Variants in DNAH11 observed in about 807,000 individuals in gnomAD.
DNAH11 encodes the protein dynein axonemal heavy chain 11, also known as axonemal beta dynein heavy chain 11.
Under a neutral mutation model 526.0 loss-of-function variants are expected in DNAH11, and 442 were observed. The observed-to-expected ratio is 0.84, with a 90% CI of 0.78 to 0.91. The LOEUF (loss-of-function observed/expected upper bound fraction) is 0.91, where lower values mean the gene tolerates loss of function less well. Ranked by LOEUF, DNAH11 falls within the 40% of genes least tolerant of loss-of-function variation. The pLI, the probability that DNAH11 is intolerant of heterozygous loss-of-function variation, is 0.00. For missense variants in DNAH11, 6,989 were observed against 5,448.7 expected, an observed-to-expected ratio of 1.28 and a Z score of -8.90; for synonymous variants, 2,461 against 1,935.9, an observed-to-expected ratio of 1.27 and a Z score of -7.12.
intron 28 of DNAH11, among the ~76,000 whole-genome samples, chr7:21,655,439 AT>A (rs780376099): frequency 8.5e-5 from 13 of 152,176 alleles, no homozygotes; most frequent in Non-Finnish European, 1.8e-4. Context: ...CATTTCAGAC[AT>A]TTTAATAGCT....
At chr7:21,878,075 A>G (rs939512684) in intron 74 of DNAH11, among the ~76,000 whole-genome samples, 1 of 152,188 alleles carries the variant, frequency 6.6e-6, no homozygotes, top group Non-Finnish European at 1.5e-5. Context: ...TAGCACTACT[A>G]TGGGTATGCA....
chr7:21,724,803 GCA>G (rs1583630179), intron 44 of DNAH11, among the ~76,000 whole-genome samples: 6,908 of 122,142 alleles, frequency 0.057, 1 homozygote, highest in South Asian at 0.073. Context: ...TCCTGTGGAT[GCA>G]TAGAGGTATC....
In DNAH11 at chr7:21,635,988, C is replaced by T. The variant is rs1786845867; in HGVS notation, c.4618C>T (p.Gln1540Ter). The change falls in exon 26 of 82, where the codon CAG becomes TAG. Residue 1540 changes from glutamine to a stop codon, truncating the protein, a stop_gained. Coordinates refer to ENST00000409508, the MANE Select transcript of DNAH11 (RefSeq NM_001277115.2). LOFTEE classifies it high-confidence loss of function. Reference sequence around the variant, plus strand: ...GGTCATCTTCACTTGGATGGAAGTCCAGCGAACTTGGTCTCACCTGGAAAG... The same window carrying T: ...GGTCATCTTCACTTGGATGGAAGTCTAGCGAACTTGGTCTCACCTGGAAAG... ...DLVIFTWMEVQRTWSHLESIF... is the reference protein window; with the variant it reads ...DLVIFTWMEV 6.2e-7 allele frequency: 1 copy of T among 1,613,650 alleles called. No individual in the cohort carries two copies.
chr7:21,876,293 T>C (rs1783709257), intron 74 of DNAH11, among the ~76,000 whole-genome samples: 1 of 152,198 alleles, frequency 6.6e-6, no homozygotes, highest in Non-Finnish European at 1.5e-5. Context: ...TAAATAATCT[T>C]CTCATCAAAC....
At chr7:21,838,036 C>A (rs966430416) in intron 65 of DNAH11, among the ~76,000 whole-genome samples, 16 of 152,144 alleles carry the variant, frequency 1.1e-4, no homozygotes, top group African/African-American at 3.9e-4. Flanking sequence ...AAAGAACTAG[C>A]CGTGAACTAT....
chr7:21,588,606 T>G lies in DNAH11; in HGVS notation c.1943T>G (p.Phe648Cys). 6.2e-7 allele frequency: 1 copy of G among 1,613,678 alleles called. No individual in the cohort carries two copies. Among genetic ancestry groups the G allele is most frequent in the Non-Finnish European group, 8.5e-7 (1 of 1,179,630 alleles). Residue 648 changes from phenylalanine (F) to cysteine (C), a missense_variant, in exon 11 of 82, where the codon TTT becomes TGT. Coordinates refer to ENST00000409508, the MANE Select transcript of DNAH11 (RefSeq NM_001277115.2). ...AQQVLQRLQM[F>C]WSNFASLRYL... ...CAGGTTCTCCAACGACTTCAAATGT[T>G]TTGGTCAAACTTCGCATCTCTCCGT...
At chr7:21,726,100 C>G in intron 45 of DNAH11, 116 bp downstream of exon 45, 1 of 1,080,934 alleles carries the variant, frequency 9.3e-7, no homozygotes, top group Non-Finnish European at 1.3e-6. Flanking sequence ...ATTCCACAGG[C>G]TGCCCAGGAA....
intron 28 of DNAH11, among the ~76,000 whole-genome samples, chr7:21,655,070 C>A (rs1781957132): frequency 6.7e-6 from 1 of 148,544 alleles, no homozygotes; most frequent in Non-Finnish European, 1.5e-5. Context: ...TTGGTTTTCC[C>A]CCCCCACCCC....
intron 73 of DNAH11, among the ~76,000 whole-genome samples, chr7:21,870,970 C>G (rs1242835292): frequency 1.3e-5 from 2 of 152,136 alleles, no homozygotes; most frequent in South Asian, 4.1e-4. Context: ...AGAAGCAGGA[C>G]TTTGAAGAAA....
At chr7:21,662,471 A>T (rs188114693) in intron 30 of DNAH11, among the ~76,000 whole-genome samples, 1 of 152,262 alleles carries the variant, frequency 6.6e-6, no homozygotes, top group Admixed American at 6.5e-5. Context: ...ATATTCCATT[A>T]TTTAAAATTT....
chr7:21,739,218 C>T (rs1051118165), intron 47 of DNAH11, among the ~76,000 whole-genome samples: 1 of 152,166 alleles, frequency 6.6e-6, no homozygotes, highest in Non-Finnish European at 1.5e-5. Flanking sequence ...TGTTTGGGCA[C>T]TGTAGTCTGC....
intron 77 of DNAH11, 149 bp downstream of exon 77, chr7:21,892,816 TC>T: frequency 1.1e-6 from 1 of 930,018 alleles, no homozygotes; most frequent in Non-Finnish European, 1.6e-6. Flanking sequence ...TTTCCAACAC[TC>T]CAGAAGGATA....
chr7:21,659,205 G>T (rs1782145845), intron 30 of DNAH11, among the ~76,000 whole-genome samples, 174 bp downstream of exon 30: 1 of 150,352 alleles, frequency 6.7e-6, no homozygotes, highest in Admixed American at 6.7e-5. Flanking sequence ...TATCCTTCTA[G>T]ATTTCTTTAT....
intron 65 of DNAH11, among the ~76,000 whole-genome samples, chr7:21,819,254 C>T (rs1235590852): frequency 6.6e-6 from 1 of 151,840 alleles, no homozygotes; most frequent in African/African-American, 2.4e-5. Flanking sequence ...GTATCTGTCC[C>T]CTTTTTCATC....
At chr7:21,672,947 G>A (rs1181675562) in intron 30 of DNAH11, among the ~76,000 whole-genome samples, 2 of 152,130 alleles carry the variant, frequency 1.3e-5, no homozygotes, top group East Asian at 1.9e-4. Flanking sequence ...TACCAAGCTC[G>A]CTGGCCCTCT....
At chr7:21,876,455 C>T (rs1783716490) in intron 74 of DNAH11, among the ~76,000 whole-genome samples, 1 of 152,172 alleles carries the variant, frequency 6.6e-6, no homozygotes, top group Non-Finnish European at 1.5e-5. Flanking sequence ...GCCTGTGCTC[C>T]CTGGCTCTCT....
rs560758338 is a variant in DNAH11, at chr7:21,749,665, C to T, written c.8674-13C>T. ...CATTTTAACAAAACATGAGTGATGG[C>T]CTTTCCTTACAGGTAGATCTTGCCA... On this transcript the variant is annotated splice_polypyrimidine_tract_variant and intron_variant, in intron 52 of 81. Coordinates refer to ENST00000409508, the MANE Select transcript of DNAH11 (RefSeq NM_001277115.2). The T allele has an allele frequency of 6.2e-7, 1 of 1,613,506 alleles. No individual in the cohort carries two copies. The highest frequency in any genetic ancestry group is 1.7e-5 in the Admixed American group (1 of 59,966).
At chr7:21,722,201 A>C (rs989264275) in intron 44 of DNAH11, among the ~76,000 whole-genome samples, 11 of 152,178 alleles carry the variant, frequency 7.2e-5, no homozygotes, top group Non-Finnish European at 1.3e-4. Context: ...TTGCACAAAT[A>C]AAGTAAAGCT....
intron 6 of DNAH11, among the ~76,000 whole-genome samples, chr7:21,565,345 A>G (rs914580389): frequency 6.6e-6 from 1 of 152,154 alleles, no homozygotes; most frequent in African/African-American, 2.4e-5. Flanking sequence ...TAAAGACCCT[A>G]TATCCAGATA....
Sources: gnomAD v4.1 joint callset for allele counts (sites outside exome capture counted in the v4.1 genomes callset) on GRCh38, gnomAD v4.1.1 for gene constraint, MANE v1.5 for transcripts, NCBI Gene and HGNC (gene_info 2026-07-23, HGNC 2026-07-21) for gene names.